The following IL21R variants were observed in gnomAD, a reference collection of about 807,000 sequenced individuals.
IL21R encodes interleukin 21 receptor.
A neutral mutation model predicts 41.3 loss-of-function variants in IL21R; 14 were observed. The observed-to-expected ratio is 0.34, with a 90% CI of 0.22 to 0.53. The LOEUF (loss-of-function observed/expected upper bound fraction) is 0.53, where lower values mean the gene tolerates loss of function less well. IL21R is among the 20% of genes least tolerant of loss of function. The pLI, the probability that IL21R is intolerant of heterozygous loss-of-function variation, is 0.94. For synonymous variants in IL21R, 286 were observed against 287.6 expected (o/e 0.99, Z 0.05); for missense variants, 588 against 681.6 (o/e 0.86, Z 1.53).
intron 1 of IL21R, among the ~76,000 whole-genome samples, chr16:27,428,165 A>G (rs931088175): frequency 1.3e-5 from 2 of 151,388 alleles, no homozygotes; most frequent in African/African-American, 4.9e-5. Context: ...GGCCATCTGC[A>G]GGGTTTTATG....
At chr16:27,437,710 C>T in intron 4 of IL21R, 23 bp downstream of exon 4, 1 of 1,595,556 alleles carries the variant, frequency 6.3e-7, no homozygotes, top group Non-Finnish European at 8.6e-7. Context: ...GGACCCCAGG[C>T]TTAGGGTGGC....
intron 1 of IL21R, among the ~76,000 whole-genome samples, chr16:27,415,339 C>T (rs2086881443): frequency 6.6e-6 from 1 of 152,190 alleles, no homozygotes; most frequent in African/African-American, 2.4e-5. Flanking sequence ...AGCATTTCCT[C>T]ACATAATTGT....
At chr16:27,427,063 G>T (rs1260340370) in intron 1 of IL21R, among the ~76,000 whole-genome samples, 1 of 152,096 alleles carries the variant, frequency 6.6e-6, no homozygotes, top group East Asian at 1.9e-4. Context: ...GCTCTGAGAA[G>T]ATACCAAAAA....
chr16:27,428,106 C>T (rs2141280949), intron 1 of IL21R, among the ~76,000 whole-genome samples: 1 of 152,336 alleles, frequency 6.6e-6, no homozygotes, highest in East Asian at 1.9e-4. Context: ...TTCTGAGGCT[C>T]TACCTTCTCC....
At chr16:27,412,102 T>G (rs1362612692) in intron 1 of IL21R, among the ~76,000 whole-genome samples, 2 of 152,226 alleles carry the variant, frequency 1.3e-5, no homozygotes, top group East Asian at 3.8e-4. Flanking sequence ...CCATTTTGAG[T>G]TAATGTTTGC....
chr16:27,442,749 C>A, intron 4 of IL21R: 1 of 455,600 alleles, frequency 2.2e-6, no homozygotes. Flanking sequence ...CTGATCAGGT[C>A]TAAATCTCCC....
chr16:27,405,141 T>C (rs949218141), intron 1 of IL21R, among the ~76,000 whole-genome samples: 1 of 152,002 alleles, frequency 6.6e-6, no homozygotes, highest in Non-Finnish European at 1.5e-5. Flanking sequence ...CAAGCGATTC[T>C]CCTGCCTCAG....
At chr16:27,403,270 G>C (rs1443507048) in intron 1 of IL21R, 1 of 1,316,004 alleles carries the variant, frequency 7.6e-7, no homozygotes. Context: ...GGAGGGTGGG[G>C]AGGTCAGTGG....
chr16:27,428,023 C>T (rs990276510), intron 1 of IL21R, among the ~76,000 whole-genome samples: 3 of 152,174 alleles, frequency 2.0e-5, no homozygotes, highest in African/African-American at 7.2e-5. Flanking sequence ...ACACAATATA[C>T]AAATATGGCC....
intron 8 of IL21R, among the ~76,000 whole-genome samples, chr16:27,446,400 T>C (rs767374585): frequency 6.6e-6 from 1 of 151,886 alleles, no homozygotes; most frequent in Non-Finnish European, 1.5e-5. Flanking sequence ...CTGGGCAACA[T>C]AGGGAGACCC....
In IL21R at chr16:27,434,364, C is replaced by A; in HGVS notation, c.67C>A (p.Leu23Ile). The change falls in exon 3 of 9, where the codon CTC (leucine) becomes ATC (isoleucine). Residue 23 changes from leucine to isoleucine, a missense_variant. Leu to Ile is a conservative substitution (Grantham distance 5, BLOSUM62 2). Transcript: ENST00000337929. Reference sequence around the variant, plus strand: ...CCCTCCAGGCTGGGGCTGCCCCGACCTCGTCTGCTACACCGATTACCTCCA... The same window carrying A: ...CCCTCCAGGCTGGGGCTGCCCCGACATCGTCTGCTACACCGATTACCTCCA... ...LLQGGWGCPD[L>I]VCYTDYLQTV... 6.2e-7 allele frequency: 1 copy of A among 1,613,682 alleles called. No individual in the cohort carries two copies. Among genetic ancestry groups the A allele is most frequent in the South Asian group, 1.1e-5 (1 of 91,080 alleles).
Position 27,449,453 on chromosome 16 carries a change from TATGC to T in IL21R, c.*174_*177del. ...GTGTGTGCATATGTGTGTGTGTGCA[TATGC>T]ATGTGTGTGTGTGTGTGTGTCTTAG... On this transcript the variant is annotated 3_prime_UTR_variant, in exon 9 of 9. Coordinates refer to ENST00000337929, the MANE Select transcript of IL21R (RefSeq NM_181078.3). 1 of 654,960 alleles carries T rather than the reference TATGC, an allele frequency of 1.5e-6. No individual in the cohort carries two copies. Among genetic ancestry groups the T allele is most frequent in the Non-Finnish European group, 2.5e-6 (1 of 394,630 alleles). The allele number at this position is 654,960 out of a possible 1,614,324, so 40.6% of individuals were successfully genotyped here.
chr16:27,421,952 C>A (rs1296162847), intron 1 of IL21R, among the ~76,000 whole-genome samples: 1 of 152,036 alleles, frequency 6.6e-6, no homozygotes, highest in Non-Finnish European at 1.5e-5. Context: ...ATCTTAGGAG[C>A]AAAGCTTTCA....
chr16:27,440,223 A>AT (rs1491554105), intron 4 of IL21R, among the ~76,000 whole-genome samples: 1 of 34,888 alleles, frequency 2.9e-5, no homozygotes, highest in Non-Finnish European at 5.5e-5. Flanking sequence ...AATCTGACAA[A>AT]TATATATATA....
rs569320047 is a variant in IL21R at position 27,448,640 on chromosome 16, C to T, written c.974C>T (p.Pro325Leu). ...EVYSCHPPRS[P>L]AKRLQLTELQ... ...TACAGCTGCCACCCACCACGGAGCC[C>T]GGCCAAGAGGCTGCAGCTCACGGAG... Residue 325 changes from proline to leucine, a missense_variant, in exon 9 of 9, where the codon CCG becomes CTG. By Grantham distance (98) the Pro-to-Leu change is moderately conservative. Coordinates refer to ENST00000337929, the MANE Select transcript of IL21R (RefSeq NM_181078.3). The T allele has an allele frequency of 3.7e-5, 60 of 1,613,076 alleles. No homozygotes were observed. The highest frequency in any genetic ancestry group is 1.8e-4 in the East Asian group (8 of 44,896).
In IL21R at chr16:27,440,246, TATAG is replaced by T. The variant is rs1245604640; in HGVS notation, c.352+2561_352+2564del. On this transcript the variant is annotated intron_variant, in intron 4 of 8. Transcript: ENST00000337929. ...AAATATATATATATATATATATATATATAGAGAGAGAGAGAGAGAGAGAGAGAGA... is the reference window on the plus strand; with the variant it reads ...AAATATATATATATATATATATATATAGAGAGAGAGAGAGAGAGAGAGAGA... Among the ~76,000 whole-genome samples, 307 of 78,598 alleles carry T rather than the reference TATAG, an allele frequency of 3.9e-3. 1 individual carries two copies. Among genetic ancestry groups the T allele is most frequent in the East Asian group, 8.1e-3 (29 of 3,594 alleles). 51.6% of individuals were successfully genotyped at this position (78,598 alleles called of 152,430 possible). A position where few individuals can be genotyped will look rare whatever the true frequency, so the allele number is the denominator to read the frequency against.
chr16:27,406,533 G>A lies in IL21R; in HGVS notation c.-17+3915G>A, dbSNP rs181751094. Among the ~76,000 whole-genome samples, 861 of 152,148 alleles carry A rather than the reference G, an allele frequency of 5.7e-3. 6 individuals carry two copies. Among genetic ancestry groups the A allele is most frequent in the Admixed American group, 0.012 (187 of 15,280 alleles). On this transcript the variant is annotated intron_variant, in intron 1 of 8. Transcript: ENST00000337929. ...AGATTTGCTGCCTGGCTAGGAGAGA[G>A]AGATAGGCTGAGAGGTCGCACAGCC...
chr16:27,439,396 C>T (rs1309693367), intron 4 of IL21R, among the ~76,000 whole-genome samples: 1 of 151,708 alleles, frequency 6.6e-6, no homozygotes, highest in Non-Finnish European at 1.5e-5. Flanking sequence ...ACACAATACA[C>T]ACACACTCAC....
At chr16:27,416,316 T>C (rs2141266040) in intron 1 of IL21R, among the ~76,000 whole-genome samples, 1 of 152,234 alleles carries the variant, frequency 6.6e-6, no homozygotes, top group East Asian at 1.9e-4. Flanking sequence ...TTTTGTGTTT[T>C]TAGTAGAGAC....
Sources: allele counts gnomAD v4.1 joint callset (sites outside exome capture counted in the v4.1 genomes callset), GRCh38; gene constraint gnomAD v4.1.1; transcripts MANE v1.5; gene names NCBI Gene and HGNC (gene_info 2026-07-23, HGNC 2026-07-21).